The following TMEM200A variants were observed in gnomAD, a reference collection of about 807,000 sequenced individuals.
TMEM200A encodes two transmembrane C.
A neutral mutation model predicts 24.3 loss-of-function variants in TMEM200A; 12 were observed. The ratio of observed to expected loss-of-function variants is 0.49; its 90% CI spans 0.32 to 0.80. The LOEUF is 0.80. Ranked by LOEUF, TMEM200A falls within the 30% of genes least tolerant of loss-of-function variation. The probability of loss-of-function intolerance (pLI) is 0.04; values close to 1 mark genes in which losing one functional copy is unlikely to be tolerated. For missense variants in TMEM200A, 545 were observed against 614.4 expected (o/e 0.89, Z 1.19); for synonymous variants, 224 against 224.4 (o/e 1.00, Z 0.02).
intron 1 of TMEM200A, among the ~76,000 whole-genome samples, chr6:130,369,360 A>C (rs541168289): frequency 1.3e-5 from 2 of 152,298 alleles, no homozygotes; most frequent in South Asian, 4.1e-4. Context: ...GGAGAAGCTA[A>C]AGCTCACTTT....
At chr6:130,390,922 G>T (rs939652980) in intron 2 of TMEM200A, among the ~76,000 whole-genome samples, 1 of 152,156 alleles carries the variant, frequency 6.6e-6, no homozygotes, top group Non-Finnish European at 1.5e-5. Context: ...TTTATGCATT[G>T]TAGGGTGTTT....
intron 1 of TMEM200A, among the ~76,000 whole-genome samples, chr6:130,375,894 G>T (rs1778445600): frequency 6.6e-6 from 1 of 152,132 alleles, no homozygotes; most frequent in Non-Finnish European, 1.5e-5. Context: ...ACTATATGTA[G>T]TTATGGTCAA....
intron 2 of TMEM200A, among the ~76,000 whole-genome samples, chr6:130,395,835 A>G (rs1442732299): frequency 6.6e-6 from 1 of 152,248 alleles, no homozygotes; most frequent in African/African-American, 2.4e-5. Context: ...AGTTTAAAAT[A>G]CTGAACTAAT....
intron 2 of TMEM200A, chr6:130,421,448 TAC>T (rs1779584974): frequency 1.3e-5 from 2 of 152,080 alleles, no homozygotes; most frequent in African/African-American, 2.4e-5. Context: ...GATATACATA[TAC>T]ACAGTAAACT....
intron 2 of TMEM200A, among the ~76,000 whole-genome samples, chr6:130,417,552 G>A (rs768078187): frequency 6.6e-6 from 1 of 151,966 alleles, no homozygotes; most frequent in Admixed American, 6.6e-5. Context: ...TTATATGGAA[G>A]GTAAAATCTA....
At chr6:130,424,659 A>G (rs954229536) in intron 2 of TMEM200A, among the ~76,000 whole-genome samples, 3 of 152,108 alleles carry the variant, frequency 2.0e-5, no homozygotes, top group Admixed American at 6.6e-5. Flanking sequence ...TCACCTTTTA[A>G]GCAGTAGATA....
intron 2 of TMEM200A, among the ~76,000 whole-genome samples, chr6:130,433,743 A>T (rs908478419): frequency 6.6e-6 from 1 of 152,226 alleles, no homozygotes; most frequent in African/African-American, 2.4e-5. Context: ...GTGAATTTTT[A>T]AACCTCCAGA....
At chr6:130,414,879 T>A (rs557225362) in intron 2 of TMEM200A, among the ~76,000 whole-genome samples, 1 of 152,132 alleles carries the variant, frequency 6.6e-6, no homozygotes, top group Non-Finnish European at 1.5e-5. Context: ...CAAATACATA[T>A]GTATGGTTTG....
At chr6:130,395,340 A>C (rs929309246) in intron 2 of TMEM200A, among the ~76,000 whole-genome samples, 4 of 152,194 alleles carry the variant, frequency 2.6e-5, no homozygotes, top group Non-Finnish European at 5.9e-5. Context: ...TGTCAAAATC[A>C]ATCTGTAATT....
At position 130,366,348 on chromosome 6, in the gene TMEM200A, A is replaced by T; in HGVS notation, c.-257A>T. 1 of 965,648 alleles carries T rather than the reference A, an allele frequency of 1.0e-6. No homozygotes were observed. 59.8% of individuals were successfully genotyped at this position (965,648 alleles called of 1,614,324 possible). A position where few individuals can be genotyped will look rare whatever the true frequency, so the allele number is the denominator to read the frequency against. ...CCGCGGTGGCCGCCCGAGCCCTGGG[A>T]TGGGGAGGGAGACCGCGGCTGCCCG... is the stretch of plus-strand genomic sequence containing the variant. On this transcript the variant is annotated 5_prime_UTR_variant, in exon 1 of 3. An upstream start codon of the reference 5' UTR is lost. Coordinates refer to ENST00000296978, the MANE Select transcript of TMEM200A (RefSeq NM_001258277.2). This position sits in a 1 kb window ranked among gnomAD's most constrained non-coding sequence, Gnocchi z 4.4.
At chr6:130,410,373 T>C (rs2115157131) in intron 2 of TMEM200A, among the ~76,000 whole-genome samples, 1 of 152,348 alleles carries the variant, frequency 6.6e-6, no homozygotes, top group East Asian at 1.9e-4. Flanking sequence ...TAACATTAAC[T>C]TTTTCATTTT....
At chr6:130,373,430 T>C (rs1333674819) in intron 1 of TMEM200A, among the ~76,000 whole-genome samples, 2 of 152,176 alleles carry the variant, frequency 1.3e-5, no homozygotes, top group Non-Finnish European at 2.9e-5. Flanking sequence ...TTTTTAATGA[T>C]TTTTTCCATA....
intron 2 of TMEM200A, among the ~76,000 whole-genome samples, chr6:130,419,704 T>C (rs2115178984): frequency 6.6e-6 from 1 of 152,332 alleles, no homozygotes; most frequent in East Asian, 1.9e-4. Context: ...AATCAAGTAA[T>C]TGAATTTCCT....
intron 2 of TMEM200A, among the ~76,000 whole-genome samples, chr6:130,411,339 C>T (rs1277833740): frequency 1.3e-5 from 2 of 152,008 alleles, no homozygotes; most frequent in Non-Finnish European, 2.9e-5. Flanking sequence ...TTTGCAAGTA[C>T]AGTACAAAAA....
intron 2 of TMEM200A, among the ~76,000 whole-genome samples, chr6:130,414,717 C>A (rs767895983): frequency 6.6e-6 from 1 of 152,174 alleles, no homozygotes; most frequent in Non-Finnish European, 1.5e-5. Context: ...CCTGTAACAT[C>A]ATTTGGCCAA....
intron 2 of TMEM200A, among the ~76,000 whole-genome samples, chr6:130,423,514 C>T (rs1325811526): frequency 1.3e-5 from 2 of 151,890 alleles, no homozygotes; most frequent in Admixed American, 6.6e-5. Flanking sequence ...TACATGTTGC[C>T]GAATTACCCC....
At chr6:130,408,093 A>G (rs983102957) in intron 2 of TMEM200A, among the ~76,000 whole-genome samples, 12 of 152,198 alleles carry the variant, frequency 7.9e-5, no homozygotes, top group Non-Finnish European at 1.3e-4. Context: ...ATATGGAAAC[A>G]GTATTCCCAG....
At chr6:130,423,182 A>G (rs1330867962) in intron 2 of TMEM200A, among the ~76,000 whole-genome samples, 1 of 152,100 alleles carries the variant, frequency 6.6e-6, no homozygotes, top group Non-Finnish European at 1.5e-5. Flanking sequence ...TTATCTGGGT[A>G]TTTTCTCTAT....
intron 2 of TMEM200A, among the ~76,000 whole-genome samples, chr6:130,394,821 C>T (rs551097078): frequency 6.6e-6 from 1 of 152,240 alleles, no homozygotes; most frequent in African/African-American, 2.4e-5. Context: ...GTTTACTTGC[C>T]TTCTTGCAAA....
Sources: gnomAD v4.1 joint callset for allele counts (sites outside exome capture counted in the v4.1 genomes callset) on GRCh38, gnomAD v4.1.1 for gene constraint, Gnocchi (gnomAD v3.1) non-coding constraint, MANE v1.5 for transcripts, NCBI Gene and HGNC (gene_info 2026-07-23, HGNC 2026-07-21) for gene names.